The following MGST2 variants were observed in gnomAD, a reference collection of about 807,000 sequenced individuals.
MGST2 encodes the protein glutathione peroxidase MGST2.
Under a neutral mutation model 16.6 loss-of-function variants are expected in MGST2, and 9 were observed. The observed-to-expected ratio is 0.54, with a 90% CI of 0.33 to 0.95. The LOEUF is 0.95. MGST2 is among the 40% of genes least tolerant of loss of function. MGST2 has a pLI of 0.03. For missense variants in MGST2, 159 were observed against 175.1 expected (o/e 0.91, Z 0.52); for synonymous variants, 79 against 68.0 (o/e 1.16, Z -0.79).
chr4:139,726,623 A>G (rs1728482353), intron 5 of MGST2, among the ~76,000 whole-genome samples: 1 of 150,462 alleles, frequency 6.6e-6, no homozygotes, highest in African/African-American at 2.4e-5. Flanking sequence ...CAGGAGTTAT[A>G]CAAAAAAGGC....
intron 2 of MGST2, among the ~76,000 whole-genome samples, chr4:139,690,078 G>A (rs1023300000): frequency 3.3e-5 from 5 of 152,092 alleles, no homozygotes; most frequent in Non-Finnish European, 7.4e-5. Flanking sequence ...TGCAGCCTCC[G>A]CCTCCTGGGT....
intron 5 of MGST2, among the ~76,000 whole-genome samples, chr4:139,738,942 A>C (rs1472558192): frequency 6.6e-6 from 1 of 152,226 alleles, no homozygotes; most frequent in African/African-American, 2.4e-5. Context: ...GAGAGGTAGA[A>C]GCTTCTAACT....
At chr4:139,675,349 G>A (rs1730905350) in intron 1 of MGST2, among the ~76,000 whole-genome samples, 1 of 152,154 alleles carries the variant, frequency 6.6e-6, no homozygotes, top group Admixed American at 6.5e-5. Flanking sequence ...TTAAGGACAG[G>A]AGGCAAGACC....
At chr4:139,721,153 T>C (rs1468984470) in intron 5 of MGST2, among the ~76,000 whole-genome samples, 6 of 152,238 alleles carry the variant, frequency 3.9e-5, no homozygotes, top group African/African-American at 1.4e-4. Flanking sequence ...ACTATTTCTC[T>C]CAGCAAATTG....
chr4:139,686,321 T>C (rs1731563298), intron 2 of MGST2, among the ~76,000 whole-genome samples: 1 of 152,236 alleles, frequency 6.6e-6, no homozygotes, highest in African/African-American at 2.4e-5. Context: ...AGAGGAAGCC[T>C]TCAGATGGTA....
At chr4:139,687,491 G>T (rs795592) in intron 2 of MGST2, among the ~76,000 whole-genome samples, 8,149 of 152,202 alleles carry the variant, frequency 0.054, 360 homozygotes, top group African/African-American at 0.12. Context: ...CCTGGAGGAG[G>T]AATGCACTGT....
intron 5 of MGST2, among the ~76,000 whole-genome samples, chr4:139,711,850 A>G (rs992830169): frequency 5.9e-5 from 9 of 152,156 alleles, no homozygotes; most frequent in African/African-American, 2.2e-4. Flanking sequence ...GCAGAGGGAC[A>G]AAGATCCATC....
intron 3 of MGST2, among the ~76,000 whole-genome samples, chr4:139,702,843 G>GTTTTTTT (rs1727325108): frequency 1.4e-4 from 4 of 27,602 alleles, no homozygotes; most frequent in Non-Finnish European, 2.5e-4. Flanking sequence ...TTGTGTTACT[G>GTTTTTTT]GTTTTTTTTT....
intron 2 of MGST2, among the ~76,000 whole-genome samples, chr4:139,694,047 G>A (rs767102579): frequency 2.0e-5 from 3 of 152,124 alleles, no homozygotes. Context: ...AGATGATTGA[G>A]TTATTACTGG....
chr4:139,689,564 C>T (rs1393284780), intron 2 of MGST2, among the ~76,000 whole-genome samples: 5 of 152,262 alleles, frequency 3.3e-5, no homozygotes, highest in Non-Finnish European at 5.9e-5. Flanking sequence ...AGACCAAGGC[C>T]GGGTCATCCA....
chr4:139,714,334 C>T (rs563382597), intron 5 of MGST2, among the ~76,000 whole-genome samples: 6 of 152,148 alleles, frequency 3.9e-5, no homozygotes, highest in East Asian at 1.9e-4. Flanking sequence ...CTGATTTTTT[C>T]CCCCCATTCA....
intron 5 of MGST2, chr4:139,730,335 C>T (rs1728648721): frequency 7.9e-7 from 1 of 1,258,924 alleles, no homozygotes; most frequent in Non-Finnish European, 1.1e-6. Context: ...ATGTGAACTG[C>T]CACTTCCTCA....
chr4:139,732,156 T>C (rs1157778859), intron 5 of MGST2, among the ~76,000 whole-genome samples: 1 of 152,192 alleles, frequency 6.6e-6, no homozygotes, highest in African/African-American at 2.4e-5. Flanking sequence ...TAAATCCAAA[T>C]TGGATTTTAA....
At chr4:139,744,205 A>G (rs980907525), downstream of MGST2, among the ~76,000 whole-genome samples, 11 of 152,222 alleles carry the variant, frequency 7.2e-5, no homozygotes, top group African/African-American at 1.9e-4. Context: ...AGGGTGGCTG[A>G]CCTAATAGAG....
At chr4:139,711,929 C>A (rs1319330894) in intron 5 of MGST2, among the ~76,000 whole-genome samples, 1 of 152,144 alleles carries the variant, frequency 6.6e-6, no homozygotes, top group African/African-American at 2.4e-5. Context: ...CTCTTGCATT[C>A]AGGGTATAGA....
chr4:139,725,600 G>A, intron 5 of MGST2: 1 of 762,684 alleles, frequency 1.3e-6, no homozygotes, highest in Non-Finnish European at 2.3e-6. Context: ...AATCCATTCT[G>A]ATTGGTTAGT....
At chr4:139,675,670 GAA>G (rs1730920963) in intron 1 of MGST2, among the ~76,000 whole-genome samples, 1 of 152,226 alleles carries the variant, frequency 6.6e-6, no homozygotes, top group South Asian at 2.1e-4. Flanking sequence ...TAGATTGAGA[GAA>G]AGCTGCAGAA....
chr4:139,741,847 C>G (rs1292440946), downstream of MGST2, among the ~76,000 whole-genome samples: 3 of 152,126 alleles, frequency 2.0e-5, no homozygotes, highest in African/African-American at 7.2e-5. Flanking sequence ...GGTATAATTG[C>G]CCTATGCTGT....
intron 2 of MGST2, among the ~76,000 whole-genome samples, chr4:139,683,034 A>G (rs1016202405): frequency 6.6e-5 from 10 of 152,236 alleles, no homozygotes; most frequent in Non-Finnish European, 1.3e-4. Flanking sequence ...TCCAGTGAGC[A>G]TGCAGGCTTT....
Sources: gnomAD v4.1 joint callset for allele counts (sites outside exome capture counted in the v4.1 genomes callset) on GRCh38, gnomAD v4.1.1 for gene constraint, MANE v1.5 for transcripts, NCBI Gene and HGNC (gene_info 2026-07-23, HGNC 2026-07-21) for gene names.